HIBADH: variants seen among roughly 807,000 people sequenced by gnomAD.
HIBADH encodes the protein 3-hydroxyisobutyrate dehydrogenase, mitochondrial.
Under a neutral mutation model 36.1 loss-of-function variants are expected in HIBADH, and 25 were observed. The observed-to-expected ratio is 0.69, with a 90% CI of 0.50 to 0.97. The LOEUF is 0.97. Among genes scored for constraint, HIBADH ranks in the 50% least tolerant of loss-of-function variants. The pLI, the probability that HIBADH is intolerant of heterozygous loss-of-function variation, is 0.00. For missense variants in HIBADH, 421 were observed against 418.0 expected (o/e 1.01, Z -0.06); for synonymous variants, 160 against 149.5 (o/e 1.07, Z -0.51).
intron 4 of HIBADH, among the ~76,000 whole-genome samples, chr7:27,616,360 G>T (rs1472854258): frequency 1.3e-5 from 2 of 152,254 alleles, no homozygotes; most frequent in East Asian, 3.9e-4. Context: ...AGGTCTGGAG[G>T]GCTCATATAT....
At chr7:27,644,694 G>A (rs1264673231) in intron 2 of HIBADH, among the ~76,000 whole-genome samples, 1 of 151,806 alleles carries the variant, frequency 6.6e-6, no homozygotes, top group Non-Finnish European at 1.5e-5. Flanking sequence ...GAACCCAGGA[G>A]GTGGAGGTTG....
chr7:27,640,031 G>A (rs1188925139), intron 2 of HIBADH, among the ~76,000 whole-genome samples: 1 of 152,030 alleles, frequency 6.6e-6, no homozygotes, highest in Non-Finnish European at 1.5e-5. Flanking sequence ...CCAGAGAGAC[G>A]TAAGCATAGG....
At chr7:27,607,033 T>A (rs77032744) in intron 4 of HIBADH, among the ~76,000 whole-genome samples, 3 of 152,166 alleles carry the variant, frequency 2.0e-5, no homozygotes, top group Admixed American at 1.3e-4. Context: ...ATGTAGACTT[T>A]TCCTATTAGC....
At chr7:27,555,421 G>A (rs1362491277) in intron 4 of HIBADH, among the ~76,000 whole-genome samples, 1 of 145,344 alleles carries the variant, frequency 6.9e-6, no homozygotes, top group Admixed American at 7.2e-5. Context: ...CATACAACTT[G>A]TTTCAGTAGA....
rs74728281 is a variant in HIBADH, at chr7:27,537,438, A to C, written c.695+903T>G. Among the ~76,000 whole-genome samples, 954 of 152,206 alleles carry C rather than the reference A, an allele frequency of 6.3e-3. 5 individuals are homozygous for C. Among genetic ancestry groups the C allele is most frequent in the Admixed American group, 1.0e-2 (152 of 15,270 alleles). ...CTCAAGTATGTTGGCTCTTTTTATT[A>C]CTTTTATCAAAAGCTATGGTATGAA... On this transcript the variant is annotated intron_variant, in intron 6 of 7. Transcript: ENST00000265395.
At chr7:27,625,734 A>G (rs1785628329) in intron 4 of HIBADH, among the ~76,000 whole-genome samples, 1 of 152,122 alleles carries the variant, frequency 6.6e-6, no homozygotes, top group Non-Finnish European at 1.5e-5. Context: ...TACTCCCTGC[A>G]CTAAAAAAGC....
At chr7:27,548,140 T>G (rs1386865698) in intron 4 of HIBADH, among the ~76,000 whole-genome samples, 1 of 150,264 alleles carries the variant, frequency 6.7e-6, no homozygotes, top group East Asian at 1.9e-4. Context: ...AGCCTTATAG[T>G]GGAGAAGCAC....
chr7:27,620,032 C>T (rs1189801408), intron 4 of HIBADH, among the ~76,000 whole-genome samples: 5 of 152,162 alleles, frequency 3.3e-5, no homozygotes, highest in East Asian at 3.8e-4. Flanking sequence ...TGTCTAAAGT[C>T]GAATCCAGCA....
Position 27,662,097 on chromosome 7 carries a change from G to A in HIBADH, c.91+601C>T, listed in dbSNP as rs977333472. 2.6e-5 allele frequency among the ~76,000 whole-genome samples: 4 copies of A among 152,140 alleles called. No individual in the cohort carries two copies. In the East Asian group the frequency reaches 7.7e-4, roughly 29 times the overall value. ...CTGAACGTGTTTTGGTTCATAATTT[G>A]ACAAAAATGACATTTTTTTAGGTTA... On this transcript the variant is annotated intron_variant, in intron 1 of 7. Coordinates refer to ENST00000265395, the MANE Select transcript of HIBADH (RefSeq NM_152740.4).
chr7:27,574,966 GACT>G (rs1215621574), intron 4 of HIBADH, among the ~76,000 whole-genome samples: 2 of 152,184 alleles, frequency 1.3e-5, no homozygotes, highest in Non-Finnish European at 2.9e-5. Flanking sequence ...AGGGCAAGCT[GACT>G]ACTATTCTTA....
intron 6 of HIBADH, among the ~76,000 whole-genome samples, chr7:27,534,250 A>G (rs1784041040): frequency 1.3e-5 from 2 of 152,234 alleles, no homozygotes; most frequent in Non-Finnish European, 2.9e-5. Context: ...TCTGTGAGTA[A>G]TCTATACTGT....
chr7:27,574,194 A>C (rs1784669670), intron 4 of HIBADH, among the ~76,000 whole-genome samples: 1 of 74,304 alleles, frequency 1.3e-5, no homozygotes, highest in African/African-American at 7.3e-5. Context: ...GAGTTAGAAA[A>C]TCTCTTTAGA....
chr7:27,550,138 T>C (rs944955546), intron 4 of HIBADH, among the ~76,000 whole-genome samples: 3 of 152,092 alleles, frequency 2.0e-5, no homozygotes, highest in Non-Finnish European at 4.4e-5. Flanking sequence ...CTCGATCTCT[T>C]TGCCTCATGA....
At chr7:27,588,424 G>C (rs59686784) in intron 4 of HIBADH, among the ~76,000 whole-genome samples, 2 of 152,100 alleles carry the variant, frequency 1.3e-5, no homozygotes, top group African/African-American at 4.8e-5. Flanking sequence ...TAACTCCTGG[G>C]CTCAAGTGAT....
At chr7:27,569,671 C>T (rs1784601118) in intron 4 of HIBADH, among the ~76,000 whole-genome samples, 1 of 152,076 alleles carries the variant, frequency 6.6e-6, no homozygotes, top group African/African-American at 2.4e-5. Context: ...TACCCCACCT[C>T]CATCCCCCAC....
At chr7:27,636,458 C>T (rs1785842950) in intron 2 of HIBADH, among the ~76,000 whole-genome samples, 1 of 152,188 alleles carries the variant, frequency 6.6e-6, no homozygotes, top group South Asian at 2.1e-4. Flanking sequence ...CATCTTGAAA[C>T]ATTTGGTCAA....
intron 4 of HIBADH, among the ~76,000 whole-genome samples, chr7:27,613,212 T>C (rs1583597587): frequency 7.5e-6 from 1 of 134,040 alleles, no homozygotes; most frequent in East Asian, 2.1e-4. Flanking sequence ...TATTTATATT[T>C]ATATATTTAT....
chr7:27,658,094 A>G (rs1786339848), intron 1 of HIBADH, among the ~76,000 whole-genome samples: 1 of 151,838 alleles, frequency 6.6e-6, no homozygotes, highest in Admixed American at 6.5e-5. Context: ...GTATCTGGGG[A>G]AAGAAAGCTT....
intron 4 of HIBADH, among the ~76,000 whole-genome samples, chr7:27,568,603 G>A (rs1163847527): frequency 6.6e-6 from 1 of 151,966 alleles, no homozygotes; most frequent in Admixed American, 6.6e-5. Context: ...GATTACAGGT[G>A]ACTGCCACCA....
Sources: gnomAD v4.1 joint callset for allele counts (sites outside exome capture counted in the v4.1 genomes callset) on GRCh38, gnomAD v4.1.1 for gene constraint, MANE v1.5 for transcripts, NCBI Gene and HGNC (gene_info 2026-07-23, HGNC 2026-07-21) for gene names.